The following VWA8 variants were observed in gnomAD, a reference collection of about 807,000 sequenced individuals.
The protein encoded by VWA8 is von Willebrand factor A domain containing 8.
In VWA8, 221 loss-of-function variants were observed where a neutral mutation model predicts 241.5. The ratio of observed to expected loss-of-function variants is 0.91; its 90% CI spans 0.82 to 1.02. The LOEUF is 1.02. VWA8 is among the 50% of genes least tolerant of loss of function. VWA8 has a pLI of 0.00. For missense variants in VWA8, 2,322 were observed against 2,328.7 expected (o/e 1.00, Z 0.06); for synonymous variants, 852 against 827.1 (o/e 1.03, Z -0.52).
At chr13:41,946,388 G>A (rs937960883) in intron 2 of VWA8, among the ~76,000 whole-genome samples, 6 of 151,984 alleles carry the variant, frequency 3.9e-5, no homozygotes, top group African/African-American at 1.2e-4. Context: ...TAATGACAAC[G>A]TAAGCCTATT....
At chr13:41,946,771 C>T (rs1162928951) in intron 2 of VWA8, among the ~76,000 whole-genome samples, 1 of 152,132 alleles carries the variant, frequency 6.6e-6, no homozygotes, top group Non-Finnish European at 1.5e-5. Context: ...GACATATTCT[C>T]CCTCAAGAAG....
At chr13:41,907,736 A>G in intron 3 of VWA8, 40 bp from the exon 4 acceptor site, 1 of 1,568,122 alleles carries the variant, frequency 6.4e-7, no homozygotes, top group Non-Finnish European at 8.8e-7. Context: ...AAATAAAATC[A>G]AATTTCCAGC....
At chr13:41,671,715 C>T (rs1416783188) in intron 36 of VWA8, among the ~76,000 whole-genome samples, 1 of 152,060 alleles carries the variant, frequency 6.6e-6, no homozygotes, top group Non-Finnish European at 1.5e-5. Flanking sequence ...CTTGCACTTG[C>T]ATGTGGTCTC....
chr13:41,911,350 C>T (rs929106851), intron 3 of VWA8, among the ~76,000 whole-genome samples: 1 of 152,146 alleles, frequency 6.6e-6, no homozygotes, highest in African/African-American at 2.4e-5. Context: ...AGGTGTGAGC[C>T]ACTGTGCCTG....
intron 2 of VWA8, among the ~76,000 whole-genome samples, chr13:41,946,804 C>T (rs1345145398): frequency 6.6e-6 from 1 of 152,100 alleles, no homozygotes; most frequent in Non-Finnish European, 1.5e-5. Flanking sequence ...CTCTTCTTGC[C>T]CAAACTTTAG....
intron 21 of VWA8, among the ~76,000 whole-genome samples, chr13:41,734,746 A>T (rs2137869186): frequency 6.6e-6 from 1 of 152,086 alleles, no homozygotes; most frequent in East Asian, 1.9e-4. Flanking sequence ...CTGCCCCCAT[A>T]ATCTACTGCT....
chr13:41,792,432 G>T (rs1869502869), intron 17 of VWA8, among the ~76,000 whole-genome samples: 1 of 151,938 alleles, frequency 6.6e-6, no homozygotes, highest in Non-Finnish European at 1.5e-5. Flanking sequence ...TCACAAATAT[G>T]TAGGTTTGTT....
chr13:41,822,395 C>T (rs1201776766), intron 14 of VWA8, among the ~76,000 whole-genome samples: 1 of 152,136 alleles, frequency 6.6e-6, no homozygotes, highest in Non-Finnish European at 1.5e-5. Context: ...TTATACAGTT[C>T]TGTACACAGA....
At chr13:41,784,041 G>T in intron 18 of VWA8, 140 bp from the exon 19 acceptor site, 4 of 608,490 alleles carry the variant, frequency 6.6e-6, no homozygotes, top group Non-Finnish European at 5.7e-6. Flanking sequence ...CTGGAGAGTA[G>T]TAATAAAACA....
chr13:41,646,260 C>G (rs2044831762), intron 37 of VWA8, among the ~76,000 whole-genome samples: 1 of 152,120 alleles, frequency 6.6e-6, no homozygotes, highest in East Asian at 1.9e-4. Context: ...GCCACCACGC[C>G]CGGCCAAATT....
At chr13:41,719,496 A>T in intron 26 of VWA8, 95 bp downstream of exon 26, 1 of 1,584,612 alleles carries the variant, frequency 6.3e-7, no homozygotes, top group Admixed American at 1.9e-5. Context: ...TACTCATGGA[A>T]AGTAATTTCC....
intron 2 of VWA8, chr13:41,926,368 A>G (rs1876835088): frequency 1.8e-6 from 1 of 559,528 alleles, no homozygotes; most frequent in Non-Finnish European, 3.5e-6. Flanking sequence ...AGTTTCTTGG[A>G]TGAACTGGGA....
intron 4 of VWA8, among the ~76,000 whole-genome samples, chr13:41,903,409 G>A (rs190385928): frequency 7.2e-5 from 11 of 152,174 alleles, no homozygotes; most frequent in Admixed American, 4.6e-4. Context: ...ATATTCTAGC[G>A]GGGGAGGAGA....
At chr13:41,620,777 T>C (rs1355748051) in intron 37 of VWA8, among the ~76,000 whole-genome samples, 1 of 152,220 alleles carries the variant, frequency 6.6e-6, no homozygotes, top group Non-Finnish European at 1.5e-5. Flanking sequence ...AAAAACAGAT[T>C]TGATTTTTAA....
chr13:41,778,747 A>G (rs1868738255), intron 19 of VWA8, among the ~76,000 whole-genome samples: 1 of 151,936 alleles, frequency 6.6e-6, no homozygotes, highest in Non-Finnish European at 1.5e-5. Context: ...AATAAGTACT[A>G]AAGTTATTGA....
At chr13:41,851,131 T>C (rs1459023143) in intron 12 of VWA8, among the ~76,000 whole-genome samples, 1 of 152,192 alleles carries the variant, frequency 6.6e-6, no homozygotes, top group African/African-American at 2.4e-5. Flanking sequence ...TTCATTCTGC[T>C]TAACTGAAAC....
At chr13:41,597,470 T>C (rs11619323) in intron 40 of VWA8, among the ~76,000 whole-genome samples, 9,605 of 152,206 alleles carry the variant, frequency 0.063, 405 homozygotes, top group Middle Eastern at 0.13. Context: ...TACCTTATTC[T>C]AAGGGATTCA....
At chr13:41,744,318 T>C (rs1010011817) in intron 21 of VWA8, among the ~76,000 whole-genome samples, 2 of 152,242 alleles carry the variant, frequency 1.3e-5, no homozygotes, top group Non-Finnish European at 1.5e-5. Context: ...CTAAGATATC[T>C]GTTGACTGTT....
At chr13:41,796,094 ATT>A (rs899679717) in intron 17 of VWA8, among the ~76,000 whole-genome samples, 6 of 152,196 alleles carry the variant, frequency 3.9e-5, no homozygotes, top group Admixed American at 1.3e-4. Flanking sequence ...ATTGCTCATG[ATT>A]TGTTAATATT....
Sources: gnomAD v4.1 joint callset for allele counts (sites outside exome capture counted in the v4.1 genomes callset) on GRCh38, gnomAD v4.1.1 for gene constraint, MANE v1.5 for transcripts, NCBI Gene and HGNC (gene_info 2026-07-23, HGNC 2026-07-21) for gene names.